Variants in OPHN1 observed in about 807,000 individuals in gnomAD.
OPHN1 encodes the protein oligophrenin 1.
A neutral mutation model predicts 60.7 loss-of-function variants in OPHN1; 11 were observed. The ratio of observed to expected loss-of-function variants is 0.18; its 90% CI spans 0.11 to 0.30. The LOEUF (loss-of-function observed/expected upper bound fraction) is 0.30. OPHN1 is among the 10% of genes least tolerant of loss of function. The pLI is 1.00. For synonymous variants in OPHN1, 226 were observed against 222.6 expected (o/e 1.02, Z -0.14); for missense variants, 449 against 611.0 (o/e 0.73, Z 2.80).
intron 5 of OPHN1, among the ~76,000 whole-genome samples, chrX:68,260,333 C>T (rs751770374): frequency 4.5e-5 from 5 of 110,781 alleles, no homozygotes; most frequent in African/African-American, 1.6e-4. Flanking sequence ...CGGTGAACAA[C>T]AGCTCTAGTT....
chrX:68,417,300 C>T (rs2078804195), intron 2 of OPHN1, among the ~76,000 whole-genome samples: 1 of 111,034 alleles, frequency 9.0e-6, no homozygotes, highest in Non-Finnish European at 1.9e-5. Context: ...GCCATGTAGC[C>T]CAGGCTTGTC....
intron 5 of OPHN1, 146 bp downstream of exon 5, chrX:68,274,592 T>C (rs773597894): frequency 4.8e-5 from 18 of 376,418 alleles, no homozygotes; most frequent in Non-Finnish European, 7.6e-5. Flanking sequence ...ACAACAAACA[T>C]TTATTTTGCA....
chrX:68,220,278 G>A (rs2077646890), intron 6 of OPHN1, among the ~76,000 whole-genome samples: 2 of 107,528 alleles, frequency 1.9e-5, no homozygotes, highest in Admixed American at 1.0e-4. Context: ...CTGAAATTGT[G>A]GCAATAATCA....
chrX:68,249,609 T>C (rs5965529), intron 5 of OPHN1, among the ~76,000 whole-genome samples: 38,388 of 110,771 alleles, frequency 0.35, 8,679 homozygotes, highest in African/African-American at 0.84. Flanking sequence ...TCAAATAAAG[T>C]TGGAATCACT....
intron 15 of OPHN1, among the ~76,000 whole-genome samples, chrX:68,187,753 G>A (rs1226445873): frequency 9.1e-6 from 1 of 109,954 alleles, no homozygotes; most frequent in African/African-American, 3.3e-5. Flanking sequence ...TCAGCCTCCC[G>A]ATTAGCTGGG....
chrX:68,263,416 T>A (rs1276965306), intron 5 of OPHN1, among the ~76,000 whole-genome samples: 1 of 111,793 alleles, frequency 8.9e-6, no homozygotes, highest in Non-Finnish European at 1.9e-5. Context: ...TTTTGATTTT[T>A]AATTCACAGT....
chrX:68,078,303 A>G (rs2076960989), intron 19 of OPHN1, among the ~76,000 whole-genome samples: 1 of 111,504 alleles, frequency 9.0e-6, no homozygotes, highest in African/African-American at 3.3e-5. Flanking sequence ...CAAAATGTCA[A>G]AATAATACCA....
chrX:68,343,452 G>A (rs781055681), intron 2 of OPHN1, among the ~76,000 whole-genome samples: 34 of 109,585 alleles, frequency 3.1e-4, no homozygotes, highest in Non-Finnish European at 5.9e-4. Context: ...ACATGGTCGC[G>A]TGCCTAGGTG....
intron 15 of OPHN1, among the ~76,000 whole-genome samples, chrX:68,189,134 C>T (rs2077476097): frequency 9.0e-6 from 1 of 111,495 alleles, no homozygotes; most frequent in Non-Finnish European, 1.9e-5. Context: ...TGGCTGCCAA[C>T]CAGGCTCAAC....
chrX:68,292,146 TC>T (rs1206542916), intron 3 of OPHN1, among the ~76,000 whole-genome samples: 1 of 111,643 alleles, frequency 9.0e-6, no homozygotes, highest in Admixed American at 9.6e-5. Flanking sequence ...CAATCAATCC[TC>T]CCACCTCAGC....
intron 15 of OPHN1, among the ~76,000 whole-genome samples, chrX:68,124,145 C>A (rs1372864998): frequency 1.8e-5 from 2 of 111,053 alleles, no homozygotes; most frequent in Admixed American, 1.9e-4. Context: ...CAAAGAAGAT[C>A]ATCTGTCTTG....
chrX:68,410,375 C>T (rs2078763263), intron 2 of OPHN1, among the ~76,000 whole-genome samples: 1 of 111,018 alleles, frequency 9.0e-6, no homozygotes, highest in South Asian at 3.9e-4. Flanking sequence ...CGTGTTCTCA[C>T]ATGGCAGAAG....
intron 15 of OPHN1, among the ~76,000 whole-genome samples, chrX:68,185,656 T>C (rs749697469): frequency 9.2e-6 from 1 of 109,265 alleles, no homozygotes; most frequent in African/African-American, 3.3e-5. Flanking sequence ...GCAAAGGAGA[T>C]ATGTGAAGAA....
intron 19 of OPHN1, among the ~76,000 whole-genome samples, chrX:68,074,100 G>A (rs1473473835): frequency 4.5e-5 from 5 of 111,628 alleles, no homozygotes. Flanking sequence ...ACTATGGGAT[G>A]ATACACATAT....
chrX:68,192,042 A>C (rs2077490091), intron 15 of OPHN1, among the ~76,000 whole-genome samples: 1 of 108,653 alleles, frequency 9.2e-6, no homozygotes, highest in East Asian at 2.8e-4. Flanking sequence ...AGAAACAAAA[A>C]TGTGAGCCAT....
intron 11 of OPHN1, among the ~76,000 whole-genome samples, chrX:68,198,888 C>A (rs1008154827): frequency 9.0e-6 from 1 of 111,636 alleles, no homozygotes. Context: ...CATTAAAGCA[C>A]CTCTTAATGA....
rs759595123 is a variant in OPHN1, at chrX:68,050,102, A to G, written c.2376-1645T>C. Among the ~76,000 whole-genome samples the G allele has an allele frequency of 4.5e-5, 5 of 111,824 alleles. No homozygotes were observed. The South Asian group carries it at 1.9e-3, about 42-fold the overall frequency. On this transcript the variant is annotated intron_variant, in intron 23 of 24. Transcript: ENST00000355520. ...GCAACAATGACCATAGACGGGACTGACTATGTGACTGGTCTGAGGATCTTG... is the reference window on the plus strand; with the variant it reads ...GCAACAATGACCATAGACGGGACTGGCTATGTGACTGGTCTGAGGATCTTG...
intron 2 of OPHN1, among the ~76,000 whole-genome samples, chrX:68,416,973 G>A (rs1381044679): frequency 8.9e-6 from 1 of 112,477 alleles, no homozygotes; most frequent in Non-Finnish European, 1.9e-5. Flanking sequence ...CATTATTTAC[G>A]AAAAGAGGAG....
At chrX:68,186,228 A>G (rs1480987153) in intron 15 of OPHN1, among the ~76,000 whole-genome samples, 1 of 111,573 alleles carries the variant, frequency 9.0e-6, no homozygotes, top group Non-Finnish European at 1.9e-5. Flanking sequence ...ACTTGATACA[A>G]TATCTGGCAC....
Sources: allele counts gnomAD v4.1 joint callset (sites outside exome capture counted in the v4.1 genomes callset), GRCh38; gene constraint gnomAD v4.1.1; transcripts MANE v1.5; gene names NCBI Gene and HGNC (gene_info 2026-07-23, HGNC 2026-07-21).